Variants in SPEF2 observed in about 807,000 individuals in gnomAD.
SPEF2 encodes the protein sperm flagellar and cilia associated 2.
SPEF2 carries 187 observed loss-of-function variants against 224.6 expected under a neutral mutation model. The observed-to-expected ratio is 0.83, with a 90% confidence interval of 0.74 to 0.94. The LOEUF is 0.94. Ranked by LOEUF, SPEF2 falls within the 40% of genes least tolerant of loss-of-function variation. The probability of loss-of-function intolerance (pLI) is 0.00; values close to 1 mark genes in which losing one functional copy is unlikely to be tolerated. For missense variants in SPEF2, 2,170 were observed against 2,135.6 expected (o/e 1.02, Z -0.32); for synonymous variants, 715 against 707.3 (o/e 1.01, Z -0.17).
chr5:35,774,008 C>T lies in SPEF2; in HGVS notation c.4065C>T (p.Ala1355=), dbSNP rs771786922. Residue 1355 remains alanine, a synonymous_variant, in exon 28 of 37, where the codon GCC becomes GCT. Transcript: ENST00000356031. ...RVKIKEEHLA[A]LQFEEIATQF... ...AAATAAAAGAAGAACACCTTGCTGC[C>T]TTGCAATTTGAAGGTAGCGATTGAA... The T allele has an allele frequency of 2.5e-6, 4 of 1,612,086 alleles. No homozygotes were observed. The highest frequency in any genetic ancestry group is 3.3e-5 in the Admixed American group (2 of 59,808).
chr5:35,780,968 A>G (rs1054459883), intron 30 of SPEF2, among the ~76,000 whole-genome samples: 1 of 152,096 alleles, frequency 6.6e-6, no homozygotes. Context: ...TTTCCACTAA[A>G]AATTTAAAAA....
At chr5:35,794,456 C>A (rs1226453501) in intron 32 of SPEF2, among the ~76,000 whole-genome samples, 1 of 152,082 alleles carries the variant, frequency 6.6e-6, no homozygotes, top group Admixed American at 6.5e-5. Context: ...AGGAAAAACA[C>A]AAACTATGAC....
intron 8 of SPEF2, among the ~76,000 whole-genome samples, chr5:35,662,001 C>T (rs1749808890): frequency 1.3e-5 from 2 of 152,116 alleles, no homozygotes; most frequent in Non-Finnish European, 2.9e-5. Context: ...GGAATTGCCA[C>T]ACTGTCCTCC....
At chr5:35,788,168 A>G (rs577751805) in intron 30 of SPEF2, 1 of 703,020 alleles carries the variant, frequency 1.4e-6, no homozygotes, top group South Asian at 1.5e-5. Context: ...GGAAGCAACA[A>G]GTAGCTCTCC....
intron 36 of SPEF2, among the ~76,000 whole-genome samples, chr5:35,813,885 T>A (rs1758684563): frequency 6.6e-6 from 1 of 152,170 alleles, no homozygotes; most frequent in African/African-American, 2.4e-5. Context: ...TTTCACATGT[T>A]GGTACTCCTT....
chr5:35,713,550 A>G (rs1208463539), intron 20 of SPEF2, among the ~76,000 whole-genome samples: 1 of 151,388 alleles, frequency 6.6e-6, no homozygotes, highest in Non-Finnish European at 1.5e-5. Context: ...CCTGGCCAAC[A>G]TGGTGAAACC....
At chr5:35,696,836 T>C (rs1465687192) in intron 14 of SPEF2, among the ~76,000 whole-genome samples, 1 of 152,110 alleles carries the variant, frequency 6.6e-6, no homozygotes, top group African/African-American at 2.4e-5. Flanking sequence ...GCAGGCCTCC[T>C]TGGGAAAGGG....
intron 19 of SPEF2, chr5:35,710,267 G>C (rs1056479661): frequency 2.0e-5 from 20 of 984,134 alleles, no homozygotes; most frequent in Non-Finnish European, 2.3e-5. Context: ...TTTAGAACTG[G>C]GGAAGACAGG....
chr5:35,697,644 A>G (rs116567098), intron 14 of SPEF2, 46 bp from the exon 15 acceptor site: 23 of 1,481,608 alleles, frequency 1.6e-5, no homozygotes, highest in Non-Finnish European at 2.2e-5. Context: ...TTGGAATTTG[A>G]CTTTTAAATT....
chr5:35,692,075 A>G (rs1169991311), intron 11 of SPEF2, among the ~76,000 whole-genome samples: 1 of 151,908 alleles, frequency 6.6e-6, no homozygotes, highest in East Asian at 2.0e-4. Flanking sequence ...TGGGATTACA[A>G]GCATGAGCCA....
intron 28 of SPEF2, among the ~76,000 whole-genome samples, chr5:35,774,250 T>C (rs571976063): frequency 6.6e-6 from 1 of 152,182 alleles, no homozygotes; most frequent in Non-Finnish European, 1.5e-5. Context: ...TCTTAACTGA[T>C]GACACGATCT....
In SPEF2 at chr5:35,657,244, G is replaced by A. The variant is rs568540846; in HGVS notation, c.979-1775G>A. ...TGTTCCAGTTTCTCCCTGGAATTTA[G>A]GTATTCCTGTTTTAGTTTGGCTGGT... is the stretch of plus-strand genomic sequence containing the variant. On this transcript the variant is annotated intron_variant, in intron 7 of 36. Transcript: ENST00000356031. Among the ~76,000 whole-genome samples the A allele has an allele frequency of 6.6e-5, 10 of 152,262 alleles. No homozygotes were observed. The South Asian group carries it at 1.9e-3, about 28-fold the overall frequency.
intron 9 of SPEF2, 30 bp downstream of exon 9, chr5:35,667,289 G>T: frequency 6.5e-7 from 1 of 1,529,678 alleles, no homozygotes; most frequent in East Asian, 2.3e-5. Flanking sequence ...TAACAGTAGA[G>T]ACACGATAGA....
chr5:35,667,769 C>T (rs1270066166), intron 9 of SPEF2, among the ~76,000 whole-genome samples: 1 of 151,886 alleles, frequency 6.6e-6, no homozygotes, highest in African/African-American at 2.4e-5. Context: ...ACTGCCTATC[C>T]CACAAAAGAC....
chr5:35,808,036 G>T, intron 36 of SPEF2: 1 of 1,157,118 alleles, frequency 8.6e-7, no homozygotes, highest in Non-Finnish European at 1.1e-6. Context: ...CTTTCACTTT[G>T]ATAGAATGTA....
At chr5:35,754,104 C>G (rs1291667613) in intron 24 of SPEF2, among the ~76,000 whole-genome samples, 1 of 152,060 alleles carries the variant, frequency 6.6e-6, no homozygotes, top group Non-Finnish European at 1.5e-5. Context: ...CAAAGAAAGC[C>G]CAGGAAAGCA....
intron 36 of SPEF2, among the ~76,000 whole-genome samples, chr5:35,809,675 A>C (rs1020746847): frequency 1.3e-5 from 2 of 152,212 alleles, no homozygotes; most frequent in African/African-American, 4.8e-5. Flanking sequence ...AGATGTCACA[A>C]AGGGAAATGT....
intron 15 of SPEF2, chr5:35,699,837 T>C (rs1738232196): frequency 6.6e-6 from 1 of 152,362 alleles, no homozygotes; most frequent in Non-Finnish European, 1.5e-5. Context: ...AAGTAAATGG[T>C]TCAAAATTGT....
At chr5:35,629,151 CTTT>C (rs768077049) in intron 2 of SPEF2, among the ~76,000 whole-genome samples, 19 of 88,338 alleles carry the variant, frequency 2.2e-4, no homozygotes, top group Non-Finnish European at 3.7e-4. Flanking sequence ...TCGATTGTTC[CTTT>C]TTTTTTTTTT....
Sources: gnomAD v4.1 joint callset for allele counts (sites outside exome capture counted in the v4.1 genomes callset) on GRCh38, gnomAD v4.1.1 for gene constraint, MANE v1.5 for transcripts, NCBI Gene and HGNC (gene_info 2026-07-23, HGNC 2026-07-21) for gene names.